The following ERLIN1 variants were observed in gnomAD, a reference collection of about 807,000 sequenced individuals.
ERLIN1 encodes ER lipid raft associated 1, also known as erlin-1.
In ERLIN1, 24 loss-of-function variants were observed where a neutral mutation model predicts 46.9. The ratio of observed to expected loss-of-function variants is 0.51; its 90% CI spans 0.37 to 0.72. The LOEUF (loss-of-function observed/expected upper bound fraction) is 0.72. ERLIN1 is among the 30% of genes least tolerant of loss of function. The probability of loss-of-function intolerance (pLI) is 0.00; values close to 1 mark genes in which losing one functional copy is unlikely to be tolerated. For synonymous variants in ERLIN1, 158 were observed against 143.2 expected, an observed-to-expected ratio of 1.10 and a Z score of -0.74; for missense variants, 293 against 417.9, an observed-to-expected ratio of 0.70 and a Z score of 2.61.
chr10:100,180,840 G>C (rs1238439846), intron 2 of ERLIN1, among the ~76,000 whole-genome samples: 1 of 152,142 alleles, frequency 6.6e-6, no homozygotes, highest in African/African-American at 2.4e-5. Flanking sequence ...ATCTTATAGG[G>C]AGGTAAGAAA....
chr10:100,155,293 C>CA (rs1374187655), intron 9 of ERLIN1, among the ~76,000 whole-genome samples: 1 of 148,534 alleles, frequency 6.7e-6, no homozygotes, highest in Non-Finnish European at 1.5e-5. Context: ...TTGTCTCCAG[C>CA]CCCCCCCCAA....
chr10:100,179,252 G>T lies in ERLIN1; in HGVS notation c.196-5C>A. 6.3e-7 allele frequency: 1 copy of T among 1,588,768 alleles called. No homozygotes were observed. Among genetic ancestry groups the T allele is most frequent in the South Asian group, 1.1e-5 (1 of 87,404 alleles). ...TTCATCAGTTTGTAGTGTTGTCTAG[G>T]GAGGAAAAGATATCTCATCAACACT... On this transcript the variant is annotated splice_region_variant and splice_polypyrimidine_tract_variant and intron_variant, in intron 2 of 10. Coordinates refer to ENST00000421367, the MANE Select transcript of ERLIN1 (RefSeq NM_006459.4).
chr10:100,175,865 T>C, intron 5 of ERLIN1, 80 bp downstream of exon 5: 4 of 1,260,642 alleles, frequency 3.2e-6, no homozygotes, highest in Non-Finnish European at 4.5e-6. Flanking sequence ...GCACTAAGGT[T>C]TACCAATATA....
intron 2 of ERLIN1, among the ~76,000 whole-genome samples, chr10:100,182,597 T>C (rs1007284767): frequency 6.6e-6 from 1 of 152,158 alleles, no homozygotes; most frequent in Admixed American, 6.5e-5. Flanking sequence ...TATAAATGTG[T>C]TACAACTCCT....
intron 10 of ERLIN1, among the ~76,000 whole-genome samples, 181 bp downstream of exon 10, chr10:100,154,679 C>T (rs1053236277): frequency 5.3e-5 from 8 of 152,214 alleles, no homozygotes; most frequent in Non-Finnish European, 1.0e-4. Context: ...CGGCATTTGG[C>T]CTGTGTCCCT....
rs1842750440 is a variant in ERLIN1, at chr10:100,150,562, C to G, written c.*1569G>C. On this transcript the variant is annotated 3_prime_UTR_variant, in exon 11 of 11. Coordinates refer to ENST00000421367, the MANE Select transcript of ERLIN1 (RefSeq NM_006459.4). The stretch of plus-strand genomic sequence containing the variant: ...GAGCAAAAATGAAAAATTATTTTCT[C>G]CATATTACAAATGCCTCTATAGGAT... 1 of 152,556 alleles carries G rather than the reference C, an allele frequency of 6.6e-6. No homozygotes were observed. The highest frequency in any genetic ancestry group is 1.5e-5 in the Non-Finnish European group (1 of 68,024). The allele number at this position is 152,556 out of a possible 1,614,324, so 9.5% of individuals were successfully genotyped here. A position where few individuals can be genotyped will look rare whatever the true frequency, so the allele number is the denominator to read the frequency against.
intron 6 of ERLIN1, among the ~76,000 whole-genome samples, chr10:100,168,063 G>C (rs1843745066): frequency 6.6e-6 from 1 of 152,118 alleles, no homozygotes; most frequent in Non-Finnish European, 1.5e-5. Context: ...AGTGTTCTTT[G>C]ACACAATTAA....
intron 5 of ERLIN1, 124 bp from the exon 6 acceptor site, chr10:100,174,405 C>A (rs1844177140): frequency 1.5e-6 from 1 of 646,462 alleles, no homozygotes; most frequent in East Asian, 2.8e-5. Context: ...TTTTACAGAG[C>A]TTAAACTGCC....
intron 6 of ERLIN1, among the ~76,000 whole-genome samples, chr10:100,168,551 G>T (rs1843779275): frequency 6.6e-6 from 1 of 152,168 alleles, no homozygotes; most frequent in Non-Finnish European, 1.5e-5. Flanking sequence ...ATTTCACCAT[G>T]TGACTAGCAG....
chr10:100,156,480 G>A (rs551354163), intron 8 of ERLIN1, among the ~76,000 whole-genome samples: 9 of 152,264 alleles, frequency 5.9e-5, no homozygotes, highest in South Asian at 4.1e-4. Context: ...AGGTTAAAGT[G>A]CCAGTCCTTC....
chr10:100,174,923 G>A (rs960853993), intron 5 of ERLIN1, among the ~76,000 whole-genome samples: 2 of 152,166 alleles, frequency 1.3e-5, no homozygotes, highest in Non-Finnish European at 2.9e-5. Context: ...TAAATGACTG[G>A]TGGTGAGACA....
Position 100,179,239 on chromosome 10 carries a change from T to A in ERLIN1, c.204A>T (p.Leu68=). Residue 68 remains leucine (L), a synonymous_variant, in exon 3 of 11, where the codon CTA becomes CTT. Coordinates refer to ENST00000421367, the MANE Select transcript of ERLIN1 (RefSeq NM_006459.4). ...ITTFRSVQTT[L]QTDEVKNVPC... ...GCACATTTTTAACTTCATCAGTTTG[T>A]AGTGTTGTCTAGGGAGGAAAAGATA... 6.3e-7 allele frequency: 1 copy of A among 1,594,164 alleles called. No homozygotes were observed. The highest frequency in any genetic ancestry group is 8.6e-7 in the Non-Finnish European group (1 of 1,169,296).
At position 100,176,079 on chromosome 10, in the gene ERLIN1, G is replaced by C. The variant is rs1486422582; in HGVS notation, c.305-9C>G. The C allele has an allele frequency of 1.2e-6, 2 of 1,609,246 alleles. No individual in the cohort carries two copies. The highest frequency in any genetic ancestry group is 1.3e-5 in the African/African-American group (1 of 74,814). ...CCTCACGATATCAAACACTGAAGGA[G>C]AGGTACAACCCATGTTTGTTTTACC... On this transcript the variant is annotated splice_polypyrimidine_tract_variant and intron_variant, in intron 4 of 10. Transcript: ENST00000421367.
Position 100,179,253 on chromosome 10 carries a change from G to C in ERLIN1, c.196-6C>G. ...TCATCAGTTTGTAGTGTTGTCTAGG[G>C]AGGAAAAGATATCTCATCAACACTC... On this transcript the variant is annotated splice_region_variant and splice_polypyrimidine_tract_variant and intron_variant, in intron 2 of 10. Transcript: ENST00000421367. 6.3e-7 allele frequency: 1 copy of C among 1,588,196 alleles called. No individual in the cohort carries two copies. Among genetic ancestry groups the C allele is most frequent in the Non-Finnish European group, 8.6e-7 (1 of 1,165,132 alleles).
At position 100,164,050 on chromosome 10, in the gene ERLIN1, C is replaced by G. The variant is rs896963564; in HGVS notation, c.609G>C (p.Lys203Asn). 6.2e-6 allele frequency: 10 copies of G among 1,613,434 alleles called. No homozygotes were observed. Among genetic ancestry groups the G allele is most frequent in the Non-Finnish European group, 8.5e-6 (10 of 1,179,702 alleles). The change falls in exon 8 of 11, where the codon AAG becomes AAC. Residue 203 changes from lysine (K) to asparagine (N), a missense_variant. Physicochemically the swap from Lys to Asn is moderately conservative, Grantham distance 94. Transcript: ENST00000421367. Reference sequence around the variant, plus strand: ...CTGTCTCAGCTTCTTTTTCCACAACCTTTTGTTTCTGTGCAGCTATAAGGA... The same window carrying G: ...CTGTCTCAGCTTCTTTTTCCACAACGTTTTGTTTCTGTGCAGCTATAAGGA... ...TKLLIAAQKQ[K>N]VVEKEAETER...
intron 8 of ERLIN1, among the ~76,000 whole-genome samples, chr10:100,158,488 C>T (rs1321300386): frequency 6.6e-6 from 1 of 151,598 alleles, no homozygotes; most frequent in Non-Finnish European, 1.5e-5. Context: ...AAAGCATTTT[C>T]AGACCAAGGA....
intron 6 of ERLIN1, among the ~76,000 whole-genome samples, chr10:100,167,861 G>C (rs1352451286): frequency 6.6e-6 from 1 of 152,216 alleles, no homozygotes; most frequent in Non-Finnish European, 1.5e-5. Flanking sequence ...TTAATACAGT[G>C]AGTAGTGAGT....
chr10:100,153,797 C>A (rs1293567236), intron 10 of ERLIN1, among the ~76,000 whole-genome samples: 1 of 152,184 alleles, frequency 6.6e-6, no homozygotes. Context: ...GAGCTTCTCC[C>A]ATTAGATTTG....
intron 8 of ERLIN1, among the ~76,000 whole-genome samples, chr10:100,160,189 A>T (rs1843288800): frequency 6.6e-6 from 1 of 152,184 alleles, no homozygotes; most frequent in Admixed American, 6.5e-5. Context: ...TGGCTTAAAA[A>T]GAAAACATGT....
Sources: gnomAD v4.1 joint callset for allele counts (sites outside exome capture counted in the v4.1 genomes callset) on GRCh38, gnomAD v4.1.1 for gene constraint, MANE v1.5 for transcripts, NCBI Gene and HGNC (gene_info 2026-07-23, HGNC 2026-07-21) for gene names.